The following ZNF334 variants were observed in gnomAD, a reference collection of about 807,000 sequenced individuals.
The protein encoded by ZNF334 is zinc finger protein 334.
A neutral mutation model predicts 12.4 loss-of-function variants in ZNF334; 14 were observed. The ratio of observed to expected loss-of-function variants is 1.13; its 90% CI spans 0.74 to 1.76. The LOEUF (loss-of-function observed/expected upper bound fraction) is 1.76. Among genes scored for constraint, ZNF334 ranks in the 40% most tolerant of loss-of-function variants. The pLI is 0.00. For missense variants in ZNF334, 797 were observed against 804.5 expected (o/e 0.99, Z 0.11); for synonymous variants, 273 against 269.6 (o/e 1.01, Z -0.12).
At chr20:46,486,097 G>A in the ZNF334 span, among the ~76,000 whole-genome samples, 5 of 152,192 alleles carry the variant, frequency 3.3e-5, no homozygotes, top group Admixed American at 6.5e-5. Context: ...GTTTAGGGCT[G>A]GCAATGTGGT....
the ZNF334 span, among the ~76,000 whole-genome samples, chr20:46,486,821 A>AT: frequency 6.6e-6 from 1 of 152,088 alleles, no homozygotes; most frequent in African/African-American, 2.4e-5. Context: ...TAACATTTGC[A>AT]TTTTAGTTGG....
chr20:46,491,420 A>G, the ZNF334 span: 1 of 152,818 alleles, frequency 6.5e-6, no homozygotes, highest in South Asian at 2.1e-4. Flanking sequence ...TAATTATTGC[A>G]AAAAGGAATT....
chr20:46,507,829 T>C, intron 2 of ZNF334, among the ~76,000 whole-genome samples: 1 of 152,214 alleles, frequency 6.6e-6, no homozygotes, highest in Non-Finnish European at 1.5e-5. Context: ...TTATCCATTT[T>C]ATTTCTTCCA....
At chr20:46,504,518 G>T in intron 3 of ZNF334, 96 bp downstream of exon 3, 1 of 1,453,758 alleles carries the variant, frequency 6.9e-7, no homozygotes, top group Non-Finnish European at 9.3e-7. Context: ...TTGCTCCCCT[G>T]ATGCTCAGGG....
chr20:46,493,764 T>A, the ZNF334 span, among the ~76,000 whole-genome samples: 21 of 152,190 alleles, frequency 1.4e-4, no homozygotes, highest in African/African-American at 4.8e-4. Flanking sequence ...GGTGCCTTTG[T>A]AGTAAAAACA....
At chr20:46,483,654 G>A in the ZNF334 span, among the ~76,000 whole-genome samples, 2 of 151,998 alleles carry the variant, frequency 1.3e-5, no homozygotes, top group Non-Finnish European at 2.9e-5. Context: ...TCTTTTTTAG[G>A]CAGTAAACAT....
the ZNF334 span, among the ~76,000 whole-genome samples, chr20:46,480,187 G>A: frequency 1.3e-5 from 2 of 152,194 alleles, no homozygotes; most frequent in East Asian, 3.9e-4. Flanking sequence ...ACAGAGTTTG[G>A]GTTTTTTGTT....
chr20:46,486,422 A>G, the ZNF334 span, among the ~76,000 whole-genome samples: 1 of 152,198 alleles, frequency 6.6e-6, no homozygotes, highest in African/African-American at 2.4e-5. Context: ...TAAAAAAATA[A>G]AAATGCATAT....
the ZNF334 span, among the ~76,000 whole-genome samples, chr20:46,478,083 C>G: frequency 2.6e-5 from 4 of 152,196 alleles, no homozygotes; most frequent in Non-Finnish European, 5.9e-5. Flanking sequence ...ACTCTCTCTC[C>G]CTTTCCTCTG....
chr20:46,483,346 C>T, the ZNF334 span, among the ~76,000 whole-genome samples: 1 of 151,880 alleles, frequency 6.6e-6, no homozygotes, highest in Non-Finnish European at 1.5e-5. Flanking sequence ...GTTGGTTATA[C>T]AACATACTAA....
downstream of ZNF334, among the ~76,000 whole-genome samples, chr20:46,495,006 G>C (rs544993100): frequency 1.8e-4 from 28 of 152,210 alleles, no homozygotes; most frequent in South Asian, 4.6e-3. Flanking sequence ...ATTCTCATTG[G>C]AAAGTTTCAG....
At chr20:46,480,430 C>A in the ZNF334 span, among the ~76,000 whole-genome samples, 20 of 152,298 alleles carry the variant, frequency 1.3e-4, no homozygotes, top group Non-Finnish European at 2.6e-4. Context: ...CAAACTGCCT[C>A]TCCTCCTCCA....
the ZNF334 span, among the ~76,000 whole-genome samples, chr20:46,468,441 A>ATT: frequency 5.6e-3 from 805 of 142,796 alleles, 4 homozygotes; most frequent in African/African-American, 8.6e-3. Flanking sequence ...TGACTGGCTA[A>ATT]TTTTTTTTTT....
the ZNF334 span, chr20:46,464,471 A>G: frequency 1.9e-6 from 1 of 519,176 alleles, no homozygotes; most frequent in Admixed American, 2.0e-5. Flanking sequence ...GACCACCTCC[A>G]TGCAGATCCC....
At chr20:46,486,618 G>GA in the ZNF334 span, among the ~76,000 whole-genome samples, 6 of 151,558 alleles carry the variant, frequency 4.0e-5, no homozygotes, top group African/African-American at 7.3e-5. Flanking sequence ...CAGTTTTAAG[G>GA]AAAAAAAATC....
chr20:46,471,271 G>A, the ZNF334 span, among the ~76,000 whole-genome samples: 4 of 152,132 alleles, frequency 2.6e-5, no homozygotes, highest in African/African-American at 4.8e-5. Context: ...TGTGTGTGAC[G>A]TGCCTGTTCA....
chr20:46,473,950 G>C, the ZNF334 span, among the ~76,000 whole-genome samples: 1 of 152,224 alleles, frequency 6.6e-6, no homozygotes, highest in East Asian at 1.9e-4. Context: ...CAGAGGGACT[G>C]GTTTGATGAT....
At chr20:46,492,778 T>A in the ZNF334 span, 1 of 152,154 alleles carries the variant, frequency 6.6e-6, no homozygotes, top group Admixed American at 6.5e-5. Flanking sequence ...AATATAAATA[T>A]GTAAATGTTG....
chr20:46,511,691 A>G (rs533108809), intron 2 of ZNF334, among the ~76,000 whole-genome samples: 65 of 152,230 alleles, frequency 4.3e-4, no homozygotes, highest in Non-Finnish European at 8.7e-4. Flanking sequence ...TGTTCGGATG[A>G]CACTGGATTG....
Sources: allele counts gnomAD v4.1 joint callset (sites outside exome capture counted in the v4.1 genomes callset), GRCh38; gene constraint gnomAD v4.1.1; transcripts MANE v1.5; gene names NCBI Gene and HGNC (gene_info 2026-07-23, HGNC 2026-07-21).